Variants in ZZEF1 observed in about 807,000 individuals in gnomAD.
The protein encoded by ZZEF1 is zinc finger ZZ-type and EF-hand domain-containing protein 1.
ZZEF1 carries 157 observed loss-of-function variants against 342.8 expected under a neutral mutation model. The ratio of observed to expected loss-of-function variants is 0.46; its 90% CI spans 0.40 to 0.52. The LOEUF (loss-of-function observed/expected upper bound fraction) is 0.52, where lower values mean the gene tolerates loss of function less well. ZZEF1 is among the 20% of genes least tolerant of loss of function. The pLI, the probability that ZZEF1 is intolerant of heterozygous loss-of-function variation, is 0.00. For synonymous variants in ZZEF1, 1,505 were observed against 1,429.1 expected (o/e 1.05, Z -1.20); for missense variants, 3,480 against 3,725.6 (o/e 0.93, Z 1.72).
chr17:4,101,467 G>T (rs755215414), intron 9 of ZZEF1, among the ~76,000 whole-genome samples: 8 of 152,092 alleles, frequency 5.3e-5, no homozygotes, highest in Non-Finnish European at 7.4e-5. Flanking sequence ...CCAACAAGAC[G>T]AATGAGAGAC....
intron 30 of ZZEF1, 52 bp from the exon 31 acceptor site, chr17:4,059,342 TTAA>T (rs771380291): frequency 3.2e-6 from 5 of 1,569,314 alleles, no homozygotes; most frequent in East Asian, 4.6e-5. Context: ...CATCTTTTTC[TTAA>T]TAATAATAAT....
intron 26 of ZZEF1, among the ~76,000 whole-genome samples, chr17:4,069,100 T>C (rs1475853255): frequency 6.6e-6 from 1 of 152,362 alleles, no homozygotes; most frequent in Middle Eastern, 3.4e-3. Context: ...CACAGTTGAC[T>C]GTGTGTTTTC....
intron 28 of ZZEF1, among the ~76,000 whole-genome samples, chr17:4,065,172 G>C (rs1262019151): frequency 1.3e-5 from 2 of 152,206 alleles, no homozygotes; most frequent in Non-Finnish European, 2.9e-5. Context: ...GGGAGGCCAA[G>C]GCAGGAGGAT....
chr17:4,080,443 G>A (rs979739713), intron 18 of ZZEF1, among the ~76,000 whole-genome samples: 5 of 152,056 alleles, frequency 3.3e-5, no homozygotes, highest in Admixed American at 6.5e-5. Context: ...AGGTTCAAGC[G>A]ATTCTCCTGC....
In ZZEF1 at chr17:4,013,565, A is replaced by G; in HGVS notation, c.8463T>C (p.His2821=). ...QMLSEERVVP[H]LPLAKIWEWL... Reference sequence around the variant, plus strand: ...ATTCCCAAATTTTTGCCAATGGGAGATGAGGCACGACCCTTTCTTCTGACA... The same window carrying G: ...ATTCCCAAATTTTTGCCAATGGGAGGTGAGGCACGACCCTTTCTTCTGACA... The change falls in exon 52 of 55, where the codon CAT becomes CAC. Residue 2821 remains histidine, a synonymous_variant. Transcript: ENST00000381638. The G allele has an allele frequency of 6.2e-7, 1 of 1,614,122 alleles. No homozygotes were observed. The highest frequency in any genetic ancestry group is 1.3e-5 in the African/African-American group (1 of 75,054).
chr17:4,018,207 C>A lies in ZZEF1; in HGVS notation c.7506-236G>T, dbSNP rs1344918239. On this transcript the variant is annotated intron_variant, in intron 46 of 54. Transcript: ENST00000381638. Reference sequence around the variant, plus strand: ...CTCCTGCAAAATCCATTCTCCTTTTCTATCTTTTCCATTTTTAAAATTAAT... The same window carrying A: ...CTCCTGCAAAATCCATTCTCCTTTTATATCTTTTCCATTTTTAAAATTAAT... 2.6e-5 allele frequency among the ~76,000 whole-genome samples: 4 copies of A among 152,102 alleles called. No individual in the cohort carries two copies. In the East Asian group the frequency reaches 5.8e-4, roughly 22 times the overall value.
At chr17:4,057,617 C>T (rs1196955502) in intron 32 of ZZEF1, among the ~76,000 whole-genome samples, 1 of 152,194 alleles carries the variant, frequency 6.6e-6, no homozygotes. Context: ...GAAAGGATTT[C>T]CCAATTCAGC....
intron 29 of ZZEF1, among the ~76,000 whole-genome samples, chr17:4,063,959 C>G (rs1299474411): frequency 6.6e-6 from 1 of 151,924 alleles, no homozygotes; most frequent in Admixed American, 6.6e-5. Flanking sequence ...AACACCTGAC[C>G]TCGGGTGATC....
rs1048744025 is a variant in ZZEF1 at position 4,058,084 on chromosome 17, T to C, written c.5075A>G (p.Asn1692Ser). ...LHLLDMGWEPNDLAFFVDIQL... is the reference protein window; with the variant it reads ...LHLLDMGWEPSDLAFFVDIQL... ...AATATCAACAAAGAAGGCGAGATCATTGGGTTCCCAGCCCATATCCAAAAG... is the reference window on the plus strand; with the variant it reads ...AATATCAACAAAGAAGGCGAGATCACTGGGTTCCCAGCCCATATCCAAAAG... The change falls in exon 32 of 55, where the codon AAT becomes AGT. Residue 1692 changes from asparagine to serine, a missense_variant. Transcript: ENST00000381638. The C allele has an allele frequency of 3.7e-6, 6 of 1,614,044 alleles. No homozygotes were observed. Among genetic ancestry groups the C allele is most frequent in the African/African-American group, 1.3e-5 (1 of 74,926 alleles).
rs2057723381 is a variant in ZZEF1, at chr17:4,081,486, T to C, written c.2719A>G (p.Lys907Glu). The C allele has an allele frequency of 1.2e-6, 2 of 1,613,692 alleles. No individual in the cohort carries two copies. Among genetic ancestry groups the C allele is most frequent in the Non-Finnish European group, 8.5e-7 (1 of 1,179,648 alleles). The stretch of plus-strand genomic sequence containing the variant: ...AAAAGAAGAAGGCCGCCTGGATCCT[T>C]GTCACTGAAAGGATACAAATTAGTC... ...FRSLCTYFSD[K>E]DPGGLLLLPE... Residue 907 changes from lysine to glutamate, a missense_variant, in exon 18 of 55, where the codon AAG becomes GAG. Around this residue, in one of 5 missense-constraint regions of ZZEF1, gnomAD observed 1,528 missense variants for 1,624.1 expected, o/e 0.94. Coordinates refer to ENST00000381638, the MANE Select transcript of ZZEF1 (RefSeq NM_015113.4).
chr17:4,062,968 C>A (rs2057316146), intron 29 of ZZEF1, 51 bp from the exon 30 acceptor site: 3 of 1,553,544 alleles, frequency 1.9e-6, no homozygotes, highest in Admixed American at 3.8e-5. Context: ...TGAGCTGGGG[C>A]AGACGGAAAA....
intron 1 of ZZEF1, among the ~76,000 whole-genome samples, chr17:4,128,572 G>C (rs1173899560): frequency 6.7e-6 from 1 of 149,272 alleles, no homozygotes; most frequent in African/African-American, 2.5e-5. Context: ...TGATTCTCCT[G>C]CCTCAGCCTC....
rs574163829 is a variant in ZZEF1, at chr17:4,024,585, T to C, written c.7092+334A>G. 4.6e-5 allele frequency among the ~76,000 whole-genome samples: 7 copies of C among 152,308 alleles called. No individual in the cohort carries two copies. The South Asian group carries it at 1.4e-3, about 32-fold the overall frequency. ...CCCCTAGGAGGCTAGCTCCCTCTAT[T>C]CTTCCCTTCATCTTCTATGATGAAG... On this transcript the variant is annotated intron_variant, in intron 43 of 54. Transcript: ENST00000381638.
chr17:4,070,971 A>C, intron 25 of ZZEF1, 47 bp from the exon 26 acceptor site: 1 of 1,585,924 alleles, frequency 6.3e-7, no homozygotes. Context: ...TTCATTCAAA[A>C]AATAAAATTT....
chr17:4,059,461 C>G (rs1347148116), intron 30 of ZZEF1, among the ~76,000 whole-genome samples, 171 bp from the exon 31 acceptor site: 2 of 151,524 alleles, frequency 1.3e-5, no homozygotes, highest in African/African-American at 4.8e-5. Context: ...CACAAAACAG[C>G]AAGTGAGTCC....
At chr17:4,042,248 TAC>T (rs34618023) in intron 39 of ZZEF1, among the ~76,000 whole-genome samples, 179 bp downstream of exon 39, 25 of 151,860 alleles carry the variant, frequency 1.6e-4, no homozygotes, top group Middle Eastern at 3.2e-3. Context: ...TATTGTTTTA[TAC>T]ACACACACAC....
chr17:4,017,815 G>A lies in ZZEF1; in HGVS notation c.7641+21C>T. ...GGGGGATGGGGTGCAGATACTTTGG[G>A]TCCGAGGTCGGGTGACATACCAAGC... On this transcript the variant is annotated intron_variant, in intron 47 of 54. Coordinates refer to ENST00000381638, the MANE Select transcript of ZZEF1 (RefSeq NM_015113.4). The surrounding 1 kb of genome is among the most constrained non-coding windows in gnomAD (Gnocchi z 5.1). 1 of 1,614,100 alleles carries A rather than the reference G, an allele frequency of 6.2e-7. No homozygotes were observed. The highest frequency in any genetic ancestry group is 8.5e-7 in the Non-Finnish European group (1 of 1,180,024).
Position 4,074,276 on chromosome 17 carries a change from T to C in ZZEF1, c.3559A>G (p.Lys1187Glu), listed in dbSNP as rs2057565888. 2 of 1,614,204 alleles carry C rather than the reference T, an allele frequency of 1.2e-6. No individual in the cohort carries two copies. Among genetic ancestry groups the C allele is most frequent in the African/African-American group, 2.7e-5 (2 of 75,044 alleles). The change falls in exon 24 of 55, where the codon AAA becomes GAA. Residue 1187 changes from lysine (K) to glutamate (E), a missense_variant. Transcript: ENST00000381638. ...SDSSHNEWGY[K>E]FTVTACGLPD... ...AGCCCACAGGCAGTGACAGTGAATT[T>C]GTAGCCCCATTCGTTGTGACTGCTG... is the stretch of plus-strand genomic sequence containing the variant.
At chr17:4,133,236 G>A (rs1258750109) in intron 1 of ZZEF1, among the ~76,000 whole-genome samples, 1 of 152,142 alleles carries the variant, frequency 6.6e-6, no homozygotes, top group East Asian at 1.9e-4. Context: ...CAGGCACCGA[G>A]CAGAGCATTT....
Sources: allele counts gnomAD v4.1 joint callset (sites outside exome capture counted in the v4.1 genomes callset), GRCh38; gene constraint gnomAD v4.1.1; regional missense constraint gnomAD v4.1.1; non-coding constraint Gnocchi (gnomAD v3.1); transcripts MANE v1.5; gene names NCBI Gene and HGNC (gene_info 2026-07-23, HGNC 2026-07-21).